The following CSMD2 variants were observed in gnomAD, a reference collection of about 807,000 sequenced individuals.
CSMD2 encodes the protein CUB and sushi domain-containing protein 2.
A neutral mutation model predicts 398.5 loss-of-function variants in CSMD2; 130 were observed. The observed-to-expected ratio is 0.33, with a 90% CI of 0.28 to 0.38. The LOEUF is 0.38. CSMD2 is among the 10% of genes least tolerant of loss of function. The pLI is 1.00. For synonymous variants in CSMD2, 1,828 were observed against 1,908.5 expected (o/e 0.96, Z 1.10); for missense variants, 3,829 against 4,764.9 (o/e 0.80, Z 5.78).
intron 1 of CSMD2, among the ~76,000 whole-genome samples, chr1:34,147,611 AAAGG>A (rs1389093122): frequency 6.7e-6 from 1 of 148,902 alleles, no homozygotes; most frequent in Admixed American, 6.8e-5. Context: ...GCTGGGGAGG[AAAGG>A]AGAGAGACGG....
intron 12 of CSMD2, among the ~76,000 whole-genome samples, chr1:33,773,195 C>A (rs372837586): frequency 2.0e-5 from 3 of 152,194 alleles, no homozygotes; most frequent in Middle Eastern, 3.2e-3. Context: ...GCTAATGTCA[C>A]GACAGATCTC....
chr1:33,559,589 C>T lies in CSMD2; in HGVS notation c.8381-116G>A, dbSNP rs980972600. 1.2e-6 allele frequency: 1 copy of T among 864,718 alleles called. No individual in the cohort carries two copies. Among genetic ancestry groups the T allele is most frequent in the African/African-American group, 1.7e-5 (1 of 59,308 alleles). 53.6% of individuals were successfully genotyped at this position (864,718 alleles called of 1,614,324 possible). ...CAGTGAAGTTCAGCCCTAAGTCTAA[C>T]TTCAATCTCTTTTGCTGTAAAACCT... On this transcript the variant is annotated intron_variant, in intron 53 of 70. Transcript: ENST00000373381. This position sits in a 1 kb window ranked among gnomAD's most constrained non-coding sequence, Gnocchi z 4.0.
chr1:33,647,819 C>T (rs1267119218), intron 28 of CSMD2, among the ~76,000 whole-genome samples: 2 of 152,128 alleles, frequency 1.3e-5, no homozygotes, highest in Non-Finnish European at 2.9e-5. Flanking sequence ...ACTTGTTTCA[C>T]GAAGGGAGGG....
At chr1:33,556,068 G>A (rs879759581) in intron 55 of CSMD2, among the ~76,000 whole-genome samples, 1 of 152,164 alleles carries the variant, frequency 6.6e-6, no homozygotes, top group Non-Finnish European at 1.5e-5. Flanking sequence ...AGCAGCAAGA[G>A]AACCAGAATT....
At chr1:33,527,856 G>C (rs947758276) in intron 64 of CSMD2, among the ~76,000 whole-genome samples, 6 of 151,144 alleles carry the variant, frequency 4.0e-5, no homozygotes, top group African/African-American at 1.5e-4. Context: ...CAGGAGAATG[G>C]TGTGAACCTG....
chr1:33,577,831 G>T (rs527533421), intron 48 of CSMD2, among the ~76,000 whole-genome samples: 1 of 152,302 alleles, frequency 6.6e-6, no homozygotes, highest in South Asian at 2.1e-4. Context: ...ACCCAATGGG[G>T]TTGGTTCCAG....
At chr1:33,994,739 G>A (rs989573779) in intron 3 of CSMD2, among the ~76,000 whole-genome samples, 3 of 152,064 alleles carry the variant, frequency 2.0e-5, no homozygotes, top group African/African-American at 7.2e-5. Flanking sequence ...AATCTCATTG[G>A]CCTCATTCAT....
chr1:33,918,026 C>A, intron 5 of CSMD2, 68 bp downstream of exon 5: 1 of 1,463,576 alleles, frequency 6.8e-7, no homozygotes, highest in Non-Finnish European at 9.4e-7. Context: ...ACTGAGGAGA[C>A]TGCAAGCATC....
chr1:33,794,233 T>C (rs1019179151), intron 10 of CSMD2, among the ~76,000 whole-genome samples: 1 of 152,158 alleles, frequency 6.6e-6, no homozygotes, highest in Admixed American at 6.5e-5. Flanking sequence ...CTGGGTAGTG[T>C]CTATGCAGGG....
intron 4 of CSMD2, among the ~76,000 whole-genome samples, chr1:33,924,290 C>T (rs956146685): frequency 1.3e-5 from 2 of 152,148 alleles, no homozygotes; most frequent in African/African-American, 4.8e-5. Context: ...TCCCTTGCCT[C>T]AGCCTCCCAA....
intron 55 of CSMD2, among the ~76,000 whole-genome samples, chr1:33,556,100 G>A (rs1347148214): frequency 4.6e-5 from 7 of 152,126 alleles, no homozygotes; most frequent in Non-Finnish European, 8.8e-5. Flanking sequence ...CTGAATATGT[G>A]ACTGAATTAA....
At chr1:33,714,423 A>C (rs1646093932) in intron 21 of CSMD2, among the ~76,000 whole-genome samples, 164 bp downstream of exon 21, 1 of 152,270 alleles carries the variant, frequency 6.6e-6, no homozygotes, top group African/African-American at 2.4e-5. Flanking sequence ...AGGATGGAGC[A>C]GAAGGAGGTT....
chr1:33,803,931 T>A (rs2124933681), intron 10 of CSMD2, among the ~76,000 whole-genome samples: 1 of 152,378 alleles, frequency 6.6e-6, no homozygotes, highest in South Asian at 2.1e-4. Context: ...GAGATCTTGT[T>A]CCATCCAGCA....
chr1:33,782,933 T>C (rs1652979705), intron 12 of CSMD2, among the ~76,000 whole-genome samples: 1 of 152,164 alleles, frequency 6.6e-6, no homozygotes, highest in South Asian at 2.1e-4. Flanking sequence ...GGAAGATCAC[T>C]GCTCCATGTG....
Position 33,716,198 on chromosome 1 carries a change from T to A in CSMD2, c.3217+88A>T, listed in dbSNP as rs917390679. The A allele has an allele frequency of 1.8e-5, 20 of 1,113,278 alleles. 1 individual carries two copies. In the Middle Eastern group the frequency reaches 8.2e-4, roughly 46 times the overall value. The allele number at this position is 1,113,278 out of a possible 1,614,324, so 69.0% of individuals were successfully genotyped here. A position where few individuals can be genotyped will look rare whatever the true frequency, so the allele number is the denominator to read the frequency against. On this transcript the variant is annotated intron_variant, in intron 20 of 70. Transcript: ENST00000373381. ...GGACTGGAGAGTGGATTAATATCTA[T>A]CTGCTAGGAAAACCAGAGACTGGTA...
chr1:33,864,263 A>T, intron 5 of CSMD2: 1 of 1,613,152 alleles, frequency 6.2e-7, no homozygotes, highest in Non-Finnish European at 8.5e-7. Context: ...TGAATTACAG[A>T]AACAAATTCA....
chr1:33,886,975 G>C (rs990925434), intron 5 of CSMD2, among the ~76,000 whole-genome samples: 4 of 147,362 alleles, frequency 2.7e-5, no homozygotes, highest in Non-Finnish European at 4.5e-5. Flanking sequence ...AGACTCAGAG[G>C]TTTTTTTTTT....
chr1:33,830,706 C>T (rs955398548), intron 6 of CSMD2, among the ~76,000 whole-genome samples: 4 of 152,214 alleles, frequency 2.6e-5, no homozygotes, highest in Non-Finnish European at 5.9e-5. Flanking sequence ...GATGATCAAA[C>T]TACTCTGAGC....
chr1:33,593,253 C>T (rs1451631287), intron 44 of CSMD2, among the ~76,000 whole-genome samples: 2 of 152,194 alleles, frequency 1.3e-5, no homozygotes, highest in Non-Finnish European at 2.9e-5. Context: ...TCTCTGGCCA[C>T]CCTTTTATCT....
Sources: gnomAD v4.1 joint callset for allele counts (sites outside exome capture counted in the v4.1 genomes callset) on GRCh38, gnomAD v4.1.1 for gene constraint, Gnocchi (gnomAD v3.1) non-coding constraint, MANE v1.5 for transcripts, NCBI Gene and HGNC (gene_info 2026-07-23, HGNC 2026-07-21) for gene names.